The following SUGCT variants were observed in gnomAD, a reference collection of about 807,000 sequenced individuals.
SUGCT encodes the protein succinyl-CoA:glutarate-CoA transferase.
Under a neutral mutation model 55.0 loss-of-function variants are expected in SUGCT, and 41 were observed. The observed-to-expected ratio is 0.74, with a 90% CI of 0.58 to 0.97. SUGCT has a LOEUF of 0.97. SUGCT is among the 50% of genes least tolerant of loss of function. The pLI is 0.00. For missense variants in SUGCT, 568 were observed against 547.8 expected, an observed-to-expected ratio of 1.04 and a Z score of -0.37; for synonymous variants, 187 against 200.4, an observed-to-expected ratio of 0.93 and a Z score of 0.56.
At chr7:40,749,052 C>T (rs1434521712) in intron 12 of SUGCT, among the ~76,000 whole-genome samples, 5 of 152,174 alleles carry the variant, frequency 3.3e-5, no homozygotes, top group Non-Finnish European at 5.9e-5. Flanking sequence ...GTTTGAGGTC[C>T]TATTTCTTGA....
chr7:40,765,679 A>G (rs1190207006), intron 13 of SUGCT, among the ~76,000 whole-genome samples: 1 of 152,130 alleles, frequency 6.6e-6, no homozygotes, highest in African/African-American at 2.4e-5. Flanking sequence ...TCCTTATGTA[A>G]AGGGTTTAGG....
At chr7:40,326,846 AT>A (rs748600544) in intron 9 of SUGCT, among the ~76,000 whole-genome samples, 8 of 152,230 alleles carry the variant, frequency 5.3e-5, no homozygotes, top group Non-Finnish European at 1.0e-4. Context: ...TTTATAAAAA[AT>A]ATATACTCAC....
intron 1 of SUGCT, among the ~76,000 whole-genome samples, chr7:40,158,804 T>C (rs1028648483): frequency 6.6e-6 from 1 of 152,184 alleles, no homozygotes; most frequent in Non-Finnish European, 1.5e-5. Flanking sequence ...AATTTTTATG[T>C]CCCTAGCATT....
chr7:40,670,554 A>T lies in SUGCT; in HGVS notation c.1090-78880A>T, dbSNP rs184106382. 3.6e-3 allele frequency among the ~76,000 whole-genome samples: 546 copies of T among 152,098 alleles called. 5 individuals are homozygous for T. The highest frequency in any genetic ancestry group is 0.013 in the African/African-American group (526 of 41,478). ...CACACATAAATCTGACATTAAAAAAATTTTTTTTAGAGTCATTGTCTTGCC... is the reference window on the plus strand; with the variant it reads ...CACACATAAATCTGACATTAAAAAATTTTTTTTTAGAGTCATTGTCTTGCC... On this transcript the variant is annotated intron_variant, in intron 12 of 13. Coordinates refer to ENST00000335693, the MANE Select transcript of SUGCT (RefSeq NM_001193313.2).
chr7:40,766,158 A>G (rs1379586977), intron 13 of SUGCT, among the ~76,000 whole-genome samples: 1 of 152,200 alleles, frequency 6.6e-6, no homozygotes, highest in Admixed American at 6.5e-5. Context: ...CATATCATCT[A>G]TATACAAATC....
At chr7:40,596,397 C>T (rs1047488881) in intron 12 of SUGCT, among the ~76,000 whole-genome samples, 8 of 152,148 alleles carry the variant, frequency 5.3e-5, no homozygotes, top group Non-Finnish European at 7.4e-5. Flanking sequence ...ATTCTGCCAC[C>T]GCTTTCCTGA....
intron 12 of SUGCT, among the ~76,000 whole-genome samples, chr7:40,700,422 A>G (rs1785124980): frequency 6.6e-6 from 1 of 152,202 alleles, no homozygotes; most frequent in African/African-American, 2.4e-5. Flanking sequence ...GAATTTATTC[A>G]TGGACTCTGT....
At chr7:40,175,584 C>T (rs576693264) in intron 1 of SUGCT, among the ~76,000 whole-genome samples, 8 of 152,076 alleles carry the variant, frequency 5.3e-5, no homozygotes, top group Non-Finnish European at 1.0e-4. Context: ...TAACATTGAA[C>T]TCATGATCTG....
chr7:40,563,866 A>C (rs190780258), intron 12 of SUGCT, among the ~76,000 whole-genome samples: 290 of 152,322 alleles, frequency 1.9e-3, no homozygotes, highest in African/African-American at 6.3e-3. Flanking sequence ...ATGATCTGAA[A>C]GGCCTACTTG....
In SUGCT at chr7:40,615,961, G is replaced by A. The variant is rs186148030; in HGVS notation, c.1089+119575G>A. On this transcript the variant is annotated intron_variant, in intron 12 of 13. Coordinates refer to ENST00000335693, the MANE Select transcript of SUGCT (RefSeq NM_001193313.2). ...CATTTAATATGTTTAATAATATTAC[G>A]GTTTAATTAATGCATTTATCTCTTG... is the stretch of plus-strand genomic sequence containing the variant. 2.8e-3 allele frequency among the ~76,000 whole-genome samples: 427 copies of A among 152,060 alleles called. 5 individuals carry two copies. The highest frequency in any genetic ancestry group is 9.7e-3 in the African/African-American group (402 of 41,462).
intron 12 of SUGCT, among the ~76,000 whole-genome samples, chr7:40,536,285 T>C (rs529856677): frequency 3.3e-5 from 5 of 152,252 alleles, no homozygotes; most frequent in Admixed American, 2.6e-4. Flanking sequence ...GATCTTGAAC[T>C]TGGTGTAAAT....
intron 9 of SUGCT, among the ~76,000 whole-genome samples, chr7:40,336,861 T>A (rs1268107152): frequency 1.3e-5 from 2 of 152,164 alleles, no homozygotes; most frequent in African/African-American, 4.8e-5. Flanking sequence ...TTTTAGATCT[T>A]TCCTGCTTTG....
At chr7:40,365,380 C>A (rs532996276) in intron 9 of SUGCT, among the ~76,000 whole-genome samples, 122 of 151,270 alleles carry the variant, frequency 8.1e-4, no homozygotes, top group African/African-American at 2.9e-3. Flanking sequence ...TCTCACCACT[C>A]CTATTCAACA....
chr7:40,321,476 G>T (rs567189757), intron 9 of SUGCT, among the ~76,000 whole-genome samples: 1 of 152,188 alleles, frequency 6.6e-6, no homozygotes, highest in South Asian at 2.1e-4. Flanking sequence ...TCTGCCTACC[G>T]AGTTCAAGTG....
chr7:40,478,113 C>A (rs1437567329), intron 11 of SUGCT, among the ~76,000 whole-genome samples: 1 of 152,128 alleles, frequency 6.6e-6, no homozygotes, highest in Non-Finnish European at 1.5e-5. Context: ...CTGCCTAAGC[C>A]TCCTGAGTCA....
At chr7:40,949,552 T>C in the SUGCT span, among the ~76,000 whole-genome samples, 67 of 152,354 alleles carry the variant, frequency 4.4e-4, no homozygotes, top group Admixed American at 2.0e-4. Context: ...CTAAATGGTA[T>C]TGCCTAGGTT....
chr7:40,183,500 C>A (rs1207237110), intron 3 of SUGCT, among the ~76,000 whole-genome samples: 1 of 152,020 alleles, frequency 6.6e-6, no homozygotes, highest in Non-Finnish European at 1.5e-5. Flanking sequence ...CCACCATGCC[C>A]AGCTATAATA....
At chr7:40,786,515 T>C (rs1790021807) in intron 13 of SUGCT, among the ~76,000 whole-genome samples, 1 of 152,190 alleles carries the variant, frequency 6.6e-6, no homozygotes, top group Admixed American at 6.6e-5. Flanking sequence ...AGACTAGAAA[T>C]TAAGAGTATA....
chr7:40,234,186 G>A (rs1217586402), intron 6 of SUGCT, among the ~76,000 whole-genome samples: 1 of 152,224 alleles, frequency 6.6e-6, no homozygotes, highest in Non-Finnish European at 1.5e-5. Flanking sequence ...CTGGCCAGAA[G>A]CACCTGATTT....
Sources: gnomAD v4.1 joint callset for allele counts (sites outside exome capture counted in the v4.1 genomes callset) on GRCh38, gnomAD v4.1.1 for gene constraint, MANE v1.5 for transcripts, NCBI Gene and HGNC (gene_info 2026-07-23, HGNC 2026-07-21) for gene names.